The following WDR59 variants were observed in gnomAD, a reference collection of about 807,000 sequenced individuals.
The protein encoded by WDR59 is WD repeat domain 59.
Under a neutral mutation model 131.2 loss-of-function variants are expected in WDR59, and 100 were observed. The ratio of observed to expected loss-of-function variants is 0.76; its 90% CI spans 0.65 to 0.90. WDR59 has a LOEUF of 0.90. Ranked by LOEUF, WDR59 falls within the 40% of genes least tolerant of loss-of-function variation. WDR59 has a pLI of 0.00. For synonymous variants in WDR59, 601 were observed against 466.2 expected (o/e 1.29, Z -3.72); for missense variants, 1,203 against 1,262.2 (o/e 0.95, Z 0.71).
chr16:74,943,649 C>T (rs1174218655), intron 6 of WDR59, among the ~76,000 whole-genome samples: 1 of 152,178 alleles, frequency 6.6e-6, no homozygotes. Flanking sequence ...GCACTCCTTC[C>T]TGTCTCCTCC....
chr16:74,888,004 G>A (rs1839360430), intron 22 of WDR59, among the ~76,000 whole-genome samples, 165 bp downstream of exon 22: 1 of 151,700 alleles, frequency 6.6e-6, no homozygotes, highest in Non-Finnish European at 1.5e-5. Flanking sequence ...TGTAATCCCA[G>A]CTATTCAGGA....
Position 74,932,331 on chromosome 16 carries a change from C to A in WDR59, c.651+5819G>T, listed in dbSNP as rs115121845. On this transcript the variant is annotated intron_variant, in intron 8 of 25. Transcript: ENST00000262144. Reference sequence around the variant, plus strand: ...TTTCAAACTCCAGTCCTCAAGGGATCCTCCCACCTCGGCCTCTCAAAGTGC... The same window carrying A: ...TTTCAAACTCCAGTCCTCAAGGGATACTCCCACCTCGGCCTCTCAAAGTGC... Among the ~76,000 whole-genome samples, 1,075 of 151,792 alleles carry A rather than the reference C, an allele frequency of 7.1e-3. 9 individuals are homozygous for A. Among genetic ancestry groups the A allele is most frequent in the African/African-American group, 0.024 (1,009 of 41,408 alleles).
At chr16:74,891,352 C>A (rs867102022) in intron 20 of WDR59, among the ~76,000 whole-genome samples, 11 of 152,084 alleles carry the variant, frequency 7.2e-5, no homozygotes, top group Middle Eastern at 3.4e-3. Context: ...CACGTGGCAC[C>A]AACATACTTG....
chr16:74,910,993 C>G (rs371178310), intron 14 of WDR59, among the ~76,000 whole-genome samples: 1 of 152,050 alleles, frequency 6.6e-6, no homozygotes, highest in East Asian at 1.9e-4. Flanking sequence ...CCTACCGAGT[C>G]GCTGGGAATA....
intron 19 of WDR59, among the ~76,000 whole-genome samples, chr16:74,893,262 G>C (rs1304999044): frequency 1.3e-5 from 2 of 152,192 alleles, no homozygotes; most frequent in African/African-American, 4.8e-5. Context: ...TGAGGCCTTA[G>C]AGGGAAGGTA....
chr16:74,919,050 C>A (rs1017083121), intron 10 of WDR59, among the ~76,000 whole-genome samples: 9 of 152,126 alleles, frequency 5.9e-5, no homozygotes, highest in African/African-American at 2.2e-4. Flanking sequence ...CTGACTTTGA[C>A]GAAAAGGTAT....
In WDR59 at chr16:74,886,290, G is replaced by T; in HGVS notation, c.2526C>A (p.Asp842Glu). ...TYSDPRERER[D>E]QHDKNKRLLD... Reference sequence around the variant, plus strand: ...GTTACCTTTTATTTTTATCATGCTGGTCGCGTTCTCGCTCACGGGGATCAC... The same window carrying T: ...GTTACCTTTTATTTTTATCATGCTGTTCGCGTTCTCGCTCACGGGGATCAC... The change falls in exon 24 of 26, where the codon GAC (aspartate) becomes GAA (glutamate). Residue 842 changes from aspartate to glutamate, a missense_variant. Transcript: ENST00000262144. 6.2e-7 allele frequency: 1 copy of T among 1,612,168 alleles called. No individual in the cohort carries two copies. Among genetic ancestry groups the T allele is most frequent in the Non-Finnish European group, 8.5e-7 (1 of 1,178,896 alleles).
At chr16:74,906,303 G>C (rs920382219) in intron 17 of WDR59, among the ~76,000 whole-genome samples, 1 of 748 alleles carries the variant, frequency 1.3e-3, no homozygotes, top group African/African-American at 4.0e-3. Context: ...GACAGAGCAA[G>C]ACTCCGTCTC....
intron 24 of WDR59, chr16:74,886,013 C>CTAA (rs1042566641): frequency 3.3e-5 from 22 of 673,448 alleles, no homozygotes; most frequent in Non-Finnish European, 5.2e-5. Context: ...CCTGTCTGTA[C>CTAA]TAAAAATACA....
intron 1 of WDR59, 134 bp downstream of exon 1, chr16:74,984,829 CG>C: frequency 7.7e-7 from 1 of 1,297,376 alleles, no homozygotes; most frequent in South Asian, 1.4e-5. Context: ...CCTAAGAGGT[CG>C]GCTAAGCCCC....
chr16:74,938,193 C>T lies in WDR59; in HGVS notation c.608G>A (p.Ser203Asn), dbSNP rs765197967. Residue 203 changes from serine to asparagine, a missense_variant, in exon 8 of 26, where the codon AGC becomes AAC. Ser to Asn is a conservative substitution (Grantham distance 46, BLOSUM62 1). Transcript: ENST00000262144. ...ACTGGAGGTAGCAAGAATGTGCTCG[C>T]TGTCTGGGTGCCAGTCCAGGCCATG... Reference protein sequence around the residue: ...KIHGLDWHPDSEHILATSSQD... With the variant: ...KIHGLDWHPDNEHILATSSQD... The T allele has an allele frequency of 9.5e-6, 15 of 1,581,558 alleles. No homozygotes were observed. The highest frequency in any genetic ancestry group is 1.4e-5 in the African/African-American group (1 of 73,350).
chr16:74,909,853 C>G lies in WDR59; in HGVS notation c.1454G>C (p.Arg485Pro). ...GGACTCAAGGCAGGAGACGAGCTGG[C>G]GCAGGCAGGGCTCCAGGCAGCTCTG... ...RGQSCLEPCL[R>P]QLVSCLESFV... is the part of the protein sequence containing the mutation. The change falls in exon 15 of 26, where the codon CGC (arginine) becomes CCC (proline). Residue 485 changes from arginine (R) to proline (P), a missense_variant. Arg to Pro is a moderately radical substitution (Grantham distance 103, BLOSUM62 -2). Coordinates refer to ENST00000262144, the MANE Select transcript of WDR59 (RefSeq NM_030581.4). The G allele has an allele frequency of 6.2e-7, 1 of 1,612,710 alleles. No individual in the cohort carries two copies. The highest frequency in any genetic ancestry group is 8.5e-7 in the Non-Finnish European group (1 of 1,179,984).
In WDR59 at chr16:74,985,008, G is replaced by T. The variant is rs373806710; in HGVS notation, c.10C>A (p.Arg4=). The T allele has an allele frequency of 8.6e-5, 136 of 1,585,908 alleles. 3 individuals are homozygous for T. Among genetic ancestry groups the T allele is most frequent in the South Asian group, 8.1e-4 (71 of 87,392 alleles). Residue 4 remains arginine, a synonymous_variant, in exon 1 of 26, where the codon CGA becomes AGA. Transcript: ENST00000262144. MAA[R]WSSENVVVEF... The stretch of plus-strand genomic sequence containing the variant: ...ACAACCACGTTTTCGCTGCTCCATC[G>T]CGCCGCCATCTCCCCCGCCCGGCCG...
At chr16:74,974,080 G>T (rs1200859465) in intron 1 of WDR59, among the ~76,000 whole-genome samples, 1 of 152,208 alleles carries the variant, frequency 6.6e-6, no homozygotes, top group East Asian at 1.9e-4. Context: ...TGAGGCAGGA[G>T]AATTGCTTCA....
At chr16:74,982,159 T>C (rs1315739957) in intron 1 of WDR59, among the ~76,000 whole-genome samples, 1 of 150,764 alleles carries the variant, frequency 6.6e-6, no homozygotes, top group African/African-American at 2.4e-5. Flanking sequence ...ATAAAATTAT[T>C]ATTTAAAAGA....
chr16:74,958,613 A>AAAAAAAAAAAAAAAAAAAC, intron 2 of WDR59, among the ~76,000 whole-genome samples: 1 of 143,578 alleles, frequency 7.0e-6, no homozygotes, highest in African/African-American at 2.6e-5. Flanking sequence ...AAAAAAAAAA[A>AAAAAAAAAAAAAAAAAAAC]AAAAAAACAA....
Position 74,871,725 on chromosome 16 carries a change from C to G in WDR59, c.*2484G>C, listed in dbSNP as rs546380283. 1 of 152,214 alleles carries G rather than the reference C, an allele frequency of 6.6e-6. No individual in the cohort carries two copies. Among genetic ancestry groups the G allele is most frequent in the Non-Finnish European group, 1.5e-5 (1 of 68,048 alleles). 9.4% of individuals were successfully genotyped at this position (152,214 alleles called of 1,614,324 possible). A position where few individuals can be genotyped will look rare whatever the true frequency, so the allele number is the denominator to read the frequency against. ...GGTGTGATTTCACTGAGGAACACAACAGATCCTTTCTCTCTGTGTAAATCA... is the reference window on the plus strand; with the variant it reads ...GGTGTGATTTCACTGAGGAACACAAGAGATCCTTTCTCTCTGTGTAAATCA... On this transcript the variant is annotated 3_prime_UTR_variant, in exon 26 of 26. Transcript: ENST00000262144.
Position 74,913,464 on chromosome 16 carries a change from G to A in WDR59, c.1225-1102C>T, listed in dbSNP as rs1368604236. On this transcript the variant is annotated intron_variant, in intron 13 of 25. Coordinates refer to ENST00000262144, the MANE Select transcript of WDR59 (RefSeq NM_030581.4). ...TGTTGTTGTTGTTGTTTTGCTTTTT[G>A]TGTTTTGGTAGAGATGGGGTTTCGC... Among the ~76,000 whole-genome samples, 3 of 151,896 alleles carry A rather than the reference G, an allele frequency of 2.0e-5. No individual in the cohort carries two copies. The East Asian group carries it at 5.8e-4, about 29-fold the overall frequency.
chr16:74,946,262 G>A (rs776135031), intron 6 of WDR59, among the ~76,000 whole-genome samples: 10 of 152,134 alleles, frequency 6.6e-5, no homozygotes, highest in Non-Finnish European at 1.5e-4. Flanking sequence ...TAGTATATTT[G>A]GTTCAGTATT....
Sources: gnomAD v4.1 joint callset for allele counts (sites outside exome capture counted in the v4.1 genomes callset) on GRCh38, gnomAD v4.1.1 for gene constraint, MANE v1.5 for transcripts, NCBI Gene and HGNC (gene_info 2026-07-23, HGNC 2026-07-21) for gene names.